RAB38: variants seen among roughly 807,000 people sequenced by gnomAD.
RAB38 encodes ras-related protein Rab-38.
A neutral mutation model predicts 18.4 loss-of-function variants in RAB38; 15 were observed. The observed-to-expected ratio is 0.82, with a 90% CI of 0.55 to 1.26. The LOEUF is 1.26. Ranked by LOEUF, RAB38 falls within the 50% of genes most tolerant of loss-of-function variation. The pLI, the probability that RAB38 is intolerant of heterozygous loss-of-function variation, is 0.00. For synonymous variants in RAB38, 101 were observed against 104.4 expected, an observed-to-expected ratio of 0.97 and a Z score of 0.20; for missense variants, 294 against 267.4, an observed-to-expected ratio of 1.10 and a Z score of -0.69.
chr11:87,976,524 ATATAT>A, the RAB38 span, among the ~76,000 whole-genome samples: 17 of 380 alleles, frequency 0.045, no homozygotes, highest in Non-Finnish European at 0.054. Flanking sequence ...TATATTTTAT[ATATAT>A]TTTTTACATT....
chr11:87,951,752 C>G, the RAB38 span, among the ~76,000 whole-genome samples: 2 of 151,752 alleles, frequency 1.3e-5, no homozygotes, highest in African/African-American at 4.8e-5. Context: ...GATTGTTCCT[C>G]TGGAAGTTTT....
At chr11:87,944,497 T>A in the RAB38 span, among the ~76,000 whole-genome samples, 1 of 152,148 alleles carries the variant, frequency 6.6e-6, no homozygotes, top group Non-Finnish European at 1.5e-5. Context: ...CCTACAGCTC[T>A]GTGCTGAATC....
At chr11:88,033,672 T>G in the RAB38 span, among the ~76,000 whole-genome samples, 67 of 151,432 alleles carry the variant, frequency 4.4e-4, no homozygotes, top group African/African-American at 1.5e-3. Context: ...AGTTTGTGTA[T>G]CCATCATTAT....
intron 1 of RAB38, among the ~76,000 whole-genome samples, chr11:88,162,204 C>T (rs1359037932): frequency 1.3e-5 from 2 of 152,044 alleles, no homozygotes; most frequent in Non-Finnish European, 2.9e-5. Context: ...TTCAGAAACA[C>T]TTTCATCTGT....
chr11:87,883,849 C>T, the RAB38 span, among the ~76,000 whole-genome samples: 2 of 151,872 alleles, frequency 1.3e-5, no homozygotes, highest in African/African-American at 4.8e-5. Flanking sequence ...TTTCTTAGAT[C>T]TTCCAGAAAA....
chr11:87,872,276 T>C, the RAB38 span, among the ~76,000 whole-genome samples: 3 of 151,548 alleles, frequency 2.0e-5, no homozygotes, highest in African/African-American at 7.3e-5. Context: ...ATTTTTAAAT[T>C]GGATTTTTTC....
the RAB38 span, among the ~76,000 whole-genome samples, chr11:87,955,471 A>G: frequency 1.3e-5 from 2 of 152,298 alleles, no homozygotes; most frequent in Non-Finnish European, 2.9e-5. Context: ...ATACCCACAT[A>G]ACGAACCTGC....
chr11:88,020,517 C>T, the RAB38 span, among the ~76,000 whole-genome samples: 1 of 152,086 alleles, frequency 6.6e-6, no homozygotes, highest in African/African-American at 2.4e-5. Context: ...GACTTCAGCA[C>T]CCCACTTTCA....
the RAB38 span, among the ~76,000 whole-genome samples, chr11:88,068,974 C>T: frequency 5.8e-4 from 89 of 152,348 alleles, no homozygotes; most frequent in Middle Eastern, 3.4e-3. Context: ...TTCAGCCGGC[C>T]GCTGCAGTGT....
chr11:87,835,162 C>A, the RAB38 span, among the ~76,000 whole-genome samples: 2 of 152,156 alleles, frequency 1.3e-5, no homozygotes, highest in Non-Finnish European at 2.9e-5. Context: ...GGGTGACTTA[C>A]AGAATCCTAG....
the RAB38 span, among the ~76,000 whole-genome samples, chr11:87,827,243 A>G: frequency 6.6e-6 from 1 of 151,992 alleles, no homozygotes; most frequent in Non-Finnish European, 1.5e-5. Context: ...AAACTTATGA[A>G]TTTTTAAGTT....
chr11:88,117,890 T>A (rs1457245669), intron 2 of RAB38, among the ~76,000 whole-genome samples: 1 of 152,212 alleles, frequency 6.6e-6, no homozygotes, highest in Non-Finnish European at 1.5e-5. Flanking sequence ...TATCTGTATA[T>A]TCTCCTCATA....
the RAB38 span, among the ~76,000 whole-genome samples, chr11:87,846,792 A>G: frequency 6.6e-6 from 1 of 152,110 alleles, no homozygotes; most frequent in Non-Finnish European, 1.5e-5. Flanking sequence ...TCTGGAGTAC[A>G]AAACAATGCA....
At chr11:88,117,949 C>A (rs1228923173) in intron 2 of RAB38, among the ~76,000 whole-genome samples, 2 of 152,210 alleles carry the variant, frequency 1.3e-5, no homozygotes, top group African/African-American at 2.4e-5. Flanking sequence ...TCCATTCCTT[C>A]ATTTTGCAGT....
intron 1 of RAB38, among the ~76,000 whole-genome samples, chr11:88,150,206 T>C (rs1282519023): frequency 3.9e-5 from 6 of 152,210 alleles, no homozygotes; most frequent in African/African-American, 1.4e-4. Context: ...TCTAGACCTA[T>C]GCAAATACAG....
At chr11:88,105,174 C>A in the RAB38 span, among the ~76,000 whole-genome samples, 1 of 151,666 alleles carries the variant, frequency 6.6e-6, no homozygotes, top group African/African-American at 2.4e-5. Context: ...TCCTCTATTA[C>A]ACCTTCCTCT....
At chr11:88,030,757 G>C in the RAB38 span, among the ~76,000 whole-genome samples, 1 of 152,124 alleles carries the variant, frequency 6.6e-6, no homozygotes, top group Non-Finnish European at 1.5e-5. Context: ...ACCAAAAAGA[G>C]TCCAGGACAA....
chr11:87,939,842 C>T, the RAB38 span, among the ~76,000 whole-genome samples: 9 of 152,118 alleles, frequency 5.9e-5, no homozygotes, highest in East Asian at 3.9e-4. Context: ...CAGTGAGCTA[C>T]GAGCGTGCCA....
the RAB38 span, among the ~76,000 whole-genome samples, chr11:87,910,602 T>C: frequency 2.0e-5 from 3 of 151,610 alleles, no homozygotes; most frequent in Non-Finnish European, 2.9e-5. Context: ...GTCTTACATA[T>C]AGATCTATGA....
Sources: allele counts gnomAD v4.1 joint callset (sites outside exome capture counted in the v4.1 genomes callset), GRCh38; gene constraint gnomAD v4.1.1; transcripts MANE v1.5; gene names NCBI Gene and HGNC (gene_info 2026-07-23, HGNC 2026-07-21).